The following GARRE1 variants were observed in gnomAD, a reference collection of about 807,000 sequenced individuals.
GARRE1 encodes granule associated Rac and RHOG effector 1.
A neutral mutation model predicts 103.2 loss-of-function variants in GARRE1; 49 were observed. That is an observed-to-expected ratio of 0.47 (90% CI 0.38 to 0.60). The LOEUF is 0.60. GARRE1 is among the 20% of genes least tolerant of loss of function. The pLI is 0.00. For missense variants in GARRE1, 1,199 were observed against 1,370.5 expected (o/e 0.87, Z 1.98); for synonymous variants, 505 against 532.8 (o/e 0.95, Z 0.72).
At chr19:34,340,785 T>C (rs2074182091) in intron 9 of GARRE1, among the ~76,000 whole-genome samples, 1 of 152,230 alleles carries the variant, frequency 6.6e-6, no homozygotes, top group East Asian at 1.9e-4. Context: ...CCCAAAGTGC[T>C]GGGATTACAG....
At chr19:34,346,983 G>A (rs2074214311) in intron 10 of GARRE1, among the ~76,000 whole-genome samples, 1 of 152,056 alleles carries the variant, frequency 6.6e-6, no homozygotes, top group Non-Finnish European at 1.5e-5. Context: ...GAGTGCAGTG[G>A]CGCAATCTTG....
intron 2 of GARRE1, among the ~76,000 whole-genome samples, chr19:34,312,705 T>C (rs77804884): frequency 6.6e-6 from 1 of 152,110 alleles, no homozygotes; most frequent in African/African-American, 2.4e-5. Flanking sequence ...GGTGGGTGGA[T>C]CACCTGAGGT....
chr19:34,301,485 G>A (rs2073978217), intron 2 of GARRE1, among the ~76,000 whole-genome samples: 1 of 129,004 alleles, frequency 7.8e-6, no homozygotes, highest in South Asian at 2.4e-4. Context: ...CTGTACTCCA[G>A]CCTGGACGGC....
chr19:34,349,267 G>C (rs764945229), intron 12 of GARRE1, 114 bp downstream of exon 12: 1 of 1,050,974 alleles, frequency 9.5e-7, no homozygotes, highest in Non-Finnish European at 1.4e-6. Context: ...CTGTGTGAGA[G>C]GAGGGGCTCT....
intron 5 of GARRE1, 47 bp from the exon 6 acceptor site, chr19:34,327,943 A>G (rs563035641): frequency 1.2e-6 from 2 of 1,613,910 alleles, no homozygotes; most frequent in African/African-American, 1.3e-5. Context: ...GTGTTTTGAC[A>G]GATGAGCGAT....
intron 11 of GARRE1, 163 bp from the exon 12 acceptor site, chr19:34,348,853 A>C: frequency 1.4e-6 from 1 of 732,280 alleles, no homozygotes; most frequent in South Asian, 1.8e-5. Flanking sequence ...ATTACTTTTG[A>C]AATAAGGCAA....
Position 34,352,724 on chromosome 19 carries a change from C to T in GARRE1, c.2982C>T (p.Pro994=), listed in dbSNP as rs1383592122. The change falls in exon 14 of 14, where the codon CCC becomes CCT. Residue 994 remains proline (P), a synonymous_variant. Coordinates refer to ENST00000299505, the MANE Select transcript of GARRE1 (RefSeq NM_014686.5). ...PSPLPSTLPS[P]SAPLYAVTSP... is the part of the protein sequence containing the mutation. ...CGCTTCCCAGCACGCTGCCCAGCCC[C>T]AGCGCACCACTCTATGCAGTCACCA... 1.2e-6 allele frequency: 2 copies of T among 1,614,112 alleles called. No individual in the cohort carries two copies. The highest frequency in any genetic ancestry group is 1.7e-6 in the Non-Finnish European group (2 of 1,180,020).
chr19:34,309,797 T>C (rs1210874587), intron 2 of GARRE1, among the ~76,000 whole-genome samples: 2 of 152,190 alleles, frequency 1.3e-5, no homozygotes, highest in African/African-American at 2.4e-5. Context: ...CTCCATTTCA[T>C]GGAGGGCTTT....
intron 1 of GARRE1, among the ~76,000 whole-genome samples, chr19:34,286,228 A>G (rs2073885227): frequency 6.6e-6 from 1 of 152,102 alleles, no homozygotes; most frequent in Non-Finnish European, 1.5e-5. Context: ...CTGTATTATT[A>G]TTATTTTTTG....
At chr19:34,325,372 C>T (rs906613499) in intron 3 of GARRE1, among the ~76,000 whole-genome samples, 1 of 152,158 alleles carries the variant, frequency 6.6e-6, no homozygotes, top group Non-Finnish European at 1.5e-5. Flanking sequence ...CCGGGGGTCT[C>T]ACAGGTGGCT....
chr19:34,314,755 T>C (rs1416810220), intron 2 of GARRE1, among the ~76,000 whole-genome samples: 1 of 152,242 alleles, frequency 6.6e-6, no homozygotes, highest in Non-Finnish European at 1.5e-5. Flanking sequence ...TGTTCTTTAG[T>C]TAGTTTTTTA....
At chr19:34,268,612 A>G (rs2073766805) in intron 1 of GARRE1, among the ~76,000 whole-genome samples, 1 of 152,092 alleles carries the variant, frequency 6.6e-6, no homozygotes. Context: ...TGTCCTCATC[A>G]GGACCAAGTA....
At chr19:34,260,809 C>G (rs1451018471) in intron 1 of GARRE1, among the ~76,000 whole-genome samples, 1 of 152,214 alleles carries the variant, frequency 6.6e-6, no homozygotes, top group African/African-American at 2.4e-5. Context: ...ACCAAACTGA[C>G]CCAGCTATAA....
chr19:34,293,828 A>C (rs1555781754), intron 1 of GARRE1, among the ~76,000 whole-genome samples: 1 of 127,076 alleles, frequency 7.9e-6, no homozygotes, highest in Non-Finnish European at 1.6e-5. Flanking sequence ...GTGCGATCTC[A>C]GCTCACTGCA....
At chr19:34,323,731 C>G (rs1236210497) in intron 3 of GARRE1, among the ~76,000 whole-genome samples, 1 of 152,150 alleles carries the variant, frequency 6.6e-6, no homozygotes, top group Non-Finnish European at 1.5e-5. Flanking sequence ...ACACGTGAAC[C>G]TAACACCTGC....
At chr19:34,263,271 G>GATAGATAC (rs2073730737) in intron 1 of GARRE1, among the ~76,000 whole-genome samples, 1 of 149,636 alleles carries the variant, frequency 6.7e-6, no homozygotes, top group Non-Finnish European at 1.5e-5. Flanking sequence ...TAGAGAGATA[G>GATAGATAC]ATAGATAGAT....
intron 8 of GARRE1, 87 bp downstream of exon 8, chr19:34,333,888 C>CATCATTT: frequency 1.2e-6 from 1 of 847,740 alleles, no homozygotes; most frequent in Non-Finnish European, 2.0e-6. Flanking sequence ...TGAACAATGC[C>CATCATTT]CATGCTAGCT....
chr19:34,289,591 G>A (rs1280582160), intron 1 of GARRE1, among the ~76,000 whole-genome samples: 1 of 151,716 alleles, frequency 6.6e-6, no homozygotes, highest in Non-Finnish European at 1.5e-5. Flanking sequence ...GGGTGTGGTG[G>A]CGCGTGTCTG....
At chr19:34,344,229 CAG>C (rs2074199810) in intron 10 of GARRE1, among the ~76,000 whole-genome samples, 3 of 152,278 alleles carry the variant, frequency 2.0e-5, no homozygotes, top group Non-Finnish European at 2.9e-5. Flanking sequence ...ATTTCATTCA[CAG>C]GGGAGTACTG....
Sources: gnomAD v4.1 joint callset for allele counts (sites outside exome capture counted in the v4.1 genomes callset) on GRCh38, gnomAD v4.1.1 for gene constraint, MANE v1.5 for transcripts, NCBI Gene and HGNC (gene_info 2026-07-23, HGNC 2026-07-21) for gene names.